GUCY1A2: variants seen among roughly 807,000 people sequenced by gnomAD.
GUCY1A2 encodes guanylate cyclase 1 soluble subunit alpha 2.
In GUCY1A2, 27 loss-of-function variants were observed where a neutral mutation model predicts 63.5. The ratio of observed to expected loss-of-function variants is 0.43; its 90% CI spans 0.31 to 0.59. GUCY1A2 has a LOEUF of 0.59. Among genes scored for constraint, GUCY1A2 ranks in the 20% least tolerant of loss-of-function variants. The probability of loss-of-function intolerance (pLI) is 0.11; values close to 1 mark genes in which losing one functional copy is unlikely to be tolerated. For missense variants in GUCY1A2, 768 were observed against 913.3 expected (o/e 0.84, Z 2.05); for synonymous variants, 364 against 343.5 (o/e 1.06, Z -0.66).
chr11:106,864,403 C>CCTTT (rs751311210), intron 4 of GUCY1A2, among the ~76,000 whole-genome samples: 176 of 151,894 alleles, frequency 1.2e-3, no homozygotes, highest in Non-Finnish European at 2.1e-3. Context: ...ATTTGAATAC[C>CCTTT]CTTTCTTTCT....
intron 4 of GUCY1A2, among the ~76,000 whole-genome samples, chr11:106,841,300 AAT>A (rs1233877245): frequency 2.0e-5 from 3 of 151,888 alleles, no homozygotes; most frequent in Middle Eastern, 3.2e-3. Context: ...TTGGCTCCCC[AAT>A]ATGTTAGGTG....
At chr11:106,817,706 A>G (rs994643157) in intron 4 of GUCY1A2, among the ~76,000 whole-genome samples, 1 of 152,186 alleles carries the variant, frequency 6.6e-6, no homozygotes. Context: ...ACATTTCTCA[A>G]AAGAAGACAT....
At chr11:106,771,179 T>C (rs920274177) in intron 6 of GUCY1A2, among the ~76,000 whole-genome samples, 12 of 152,144 alleles carry the variant, frequency 7.9e-5, no homozygotes, top group Non-Finnish European at 1.8e-4. Flanking sequence ...TAGTTAATCC[T>C]TGACCCAACT....
chr11:106,828,483 A>G (rs1365247201), intron 4 of GUCY1A2, among the ~76,000 whole-genome samples: 1 of 151,858 alleles, frequency 6.6e-6, no homozygotes, highest in Non-Finnish European at 1.5e-5. Flanking sequence ...ATTTTTGTCA[A>G]CTTTGTCAAA....
intron 4 of GUCY1A2, among the ~76,000 whole-genome samples, chr11:106,876,881 A>G (rs1859756996): frequency 6.6e-6 from 1 of 152,094 alleles, no homozygotes; most frequent in East Asian, 1.9e-4. Context: ...TTTAATTCCC[A>G]GAATCTGTGA....
At chr11:106,838,700 G>A (rs1294506290) in intron 4 of GUCY1A2, among the ~76,000 whole-genome samples, 4 of 152,002 alleles carry the variant, frequency 2.6e-5, no homozygotes, top group Non-Finnish European at 2.9e-5. Context: ...ATATCTCATT[G>A]TGGTTTTGAT....
chr11:106,914,256 G>C (rs975476974), intron 4 of GUCY1A2, among the ~76,000 whole-genome samples: 2 of 151,790 alleles, frequency 1.3e-5, no homozygotes, highest in Non-Finnish European at 2.9e-5. Flanking sequence ...GAACTTAATG[G>C]GTCACACTAT....
intron 6 of GUCY1A2, among the ~76,000 whole-genome samples, chr11:106,753,641 G>T (rs1190255636): frequency 6.6e-6 from 1 of 151,818 alleles, no homozygotes; most frequent in Non-Finnish European, 1.5e-5. Flanking sequence ...CTTTTGTCAG[G>T]TTTGTCAAAG....
At chr11:106,903,650 CA>C (rs1192718444) in intron 4 of GUCY1A2, among the ~76,000 whole-genome samples, 3 of 152,110 alleles carry the variant, frequency 2.0e-5, no homozygotes, top group Non-Finnish European at 4.4e-5. Flanking sequence ...TTTTAAAATA[CA>C]AACTCTGAGT....
chr11:106,715,825 TAA>T (rs2135358052), intron 6 of GUCY1A2, among the ~76,000 whole-genome samples: 1 of 152,164 alleles, frequency 6.6e-6, no homozygotes, highest in East Asian at 1.9e-4. Flanking sequence ...TAAACAGAAA[TAA>T]GTCTTCATTT....
intron 1 of GUCY1A2, among the ~76,000 whole-genome samples, chr11:107,012,212 T>G (rs1861755701): frequency 6.6e-6 from 1 of 152,040 alleles, no homozygotes. Flanking sequence ...TTTAATTTTT[T>G]TAATGGATTG....
At chr11:106,873,524 T>C (rs1015690312) in intron 4 of GUCY1A2, among the ~76,000 whole-genome samples, 1 of 152,222 alleles carries the variant, frequency 6.6e-6, no homozygotes, top group Non-Finnish European at 1.5e-5. Flanking sequence ...CGATCAGTGA[T>C]GTTGAACTTT....
rs981749037 is a variant in GUCY1A2, at chr11:106,759,357, TG to T, written c.1836+17081del. Among the ~76,000 whole-genome samples the T allele has an allele frequency of 7.6e-4, 115 of 152,262 alleles. 1 individual carries two copies. Among genetic ancestry groups the T allele is most frequent in the African/African-American group, 2.5e-3 (103 of 41,562 alleles). ...CAAGAATTTTCTACTTAGGTAGCTC[TG>T]TATGATGGAAGACAAGAATAAAATT... is the stretch of plus-strand genomic sequence containing the variant. On this transcript the variant is annotated intron_variant, in intron 6 of 7. Coordinates refer to ENST00000526355, the MANE Select transcript of GUCY1A2 (RefSeq NM_000855.3).
intron 3 of GUCY1A2, among the ~76,000 whole-genome samples, chr11:106,966,414 T>A (rs1364661871): frequency 3.3e-5 from 5 of 152,092 alleles, no homozygotes; most frequent in African/African-American, 1.2e-4. Context: ...GGCCCCATTG[T>A]CTTATTTTTC....
intron 6 of GUCY1A2, among the ~76,000 whole-genome samples, chr11:106,743,232 T>G (rs1348379131): frequency 6.6e-6 from 1 of 152,194 alleles, no homozygotes; most frequent in Non-Finnish European, 1.5e-5. Context: ...GTTCCCAAGC[T>G]TGTCCCTTCA....
intron 1 of GUCY1A2, among the ~76,000 whole-genome samples, chr11:106,994,586 A>G (rs1031266315): frequency 3.3e-5 from 5 of 152,174 alleles, no homozygotes; most frequent in African/African-American, 1.2e-4. Flanking sequence ...TTAGATACTC[A>G]CAACAATCTC....
At chr11:106,807,255 A>G (rs1417673423) in intron 5 of GUCY1A2, among the ~76,000 whole-genome samples, 2 of 152,188 alleles carry the variant, frequency 1.3e-5, no homozygotes, top group African/African-American at 4.8e-5. Context: ...CTTTGTTTCA[A>G]TAGCCATTAA....
chr11:106,864,223 G>T (rs7128558), intron 4 of GUCY1A2, among the ~76,000 whole-genome samples: 89,865 of 151,378 alleles, frequency 0.59, 27,037 homozygotes, highest in East Asian at 0.79. Flanking sequence ...ATAATAATAA[G>T]AAGAAGAAGA....
intron 4 of GUCY1A2, among the ~76,000 whole-genome samples, chr11:106,879,742 A>G (rs1177298554): frequency 1.3e-5 from 2 of 151,882 alleles, no homozygotes; most frequent in Non-Finnish European, 2.9e-5. Flanking sequence ...ACTAAGTACC[A>G]TTTTCATCAG....
Sources: gnomAD v4.1 joint callset for allele counts (sites outside exome capture counted in the v4.1 genomes callset) on GRCh38, gnomAD v4.1.1 for gene constraint, MANE v1.5 for transcripts, NCBI Gene and HGNC (gene_info 2026-07-23, HGNC 2026-07-21) for gene names.